GAD2: variants seen among roughly 807,000 people sequenced by gnomAD.
The protein encoded by GAD2 is 65 kDa glutamic acid decarboxylase.
In GAD2, 22 loss-of-function variants were observed where a neutral mutation model predicts 80.1. The ratio of observed to expected loss-of-function variants is 0.27; its 90% CI spans 0.20 to 0.39. GAD2 has a LOEUF of 0.39. Among genes scored for constraint, GAD2 ranks in the 10% least tolerant of loss-of-function variants. The probability of loss-of-function intolerance (pLI) is 1.00; values close to 1 mark genes in which losing one functional copy is unlikely to be tolerated. For synonymous variants in GAD2, 274 were observed against 256.9 expected, an observed-to-expected ratio of 1.07 and a Z score of -0.64; for missense variants, 624 against 738.4, an observed-to-expected ratio of 0.85 and a Z score of 1.80.
chr10:26,224,667 A>G lies in GAD2; in HGVS notation c.724+16A>G, dbSNP rs1054334501. On this transcript the variant is annotated intron_variant, in intron 6 of 15. Coordinates refer to ENST00000376261, the MANE Select transcript of GAD2 (RefSeq NM_001134366.2). ...TTTTCTCCCGGTACATGATATTTCAACTTTCTTTGTGTTTTTTCTTCTAAT... is the reference window on the plus strand; with the variant it reads ...TTTTCTCCCGGTACATGATATTTCAGCTTTCTTTGTGTTTTTTCTTCTAAT... The G allele has an allele frequency of 7.7e-6, 12 of 1,565,692 alleles. No homozygotes were observed. In the East Asian group the frequency reaches 2.5e-4, roughly 32 times the overall value.
chr10:26,285,590 A>T (rs1845322708), intron 12 of GAD2, among the ~76,000 whole-genome samples: 1 of 152,206 alleles, frequency 6.6e-6, no homozygotes, highest in Non-Finnish European at 1.5e-5. Flanking sequence ...ACCCATTTCC[A>T]TAGTAAGGTT....
chr10:26,227,723 T>C (rs1009133622), intron 6 of GAD2, among the ~76,000 whole-genome samples: 1 of 152,188 alleles, frequency 6.6e-6, no homozygotes, highest in African/African-American at 2.4e-5. Flanking sequence ...TCACCAGTTA[T>C]GTTGCCCAAA....
intron 11 of GAD2, among the ~76,000 whole-genome samples, chr10:26,278,786 G>A: frequency 6.6e-6 from 1 of 152,008 alleles, no homozygotes; most frequent in African/African-American, 2.4e-5. Context: ...CAGAGCCAGA[G>A]AAAGACCAGA....
intron 4 of GAD2, among the ~76,000 whole-genome samples, chr10:26,220,928 A>C (rs1236071827): frequency 2.0e-5 from 3 of 152,218 alleles, no homozygotes; most frequent in Admixed American, 6.5e-5. Flanking sequence ...ATTTTGCCAT[A>C]ATGCTTATGA....
intron 15 of GAD2, among the ~76,000 whole-genome samples, chr10:26,298,328 C>T (rs1834296443): frequency 6.6e-6 from 1 of 152,178 alleles, no homozygotes; most frequent in Non-Finnish European, 1.5e-5. Flanking sequence ...TCTTAACTTG[C>T]AATGAGTGAA....
intron 11 of GAD2, among the ~76,000 whole-genome samples, chr10:26,280,242 AC>A (rs1845256828): frequency 1.3e-5 from 2 of 152,122 alleles, no homozygotes; most frequent in South Asian, 4.1e-4. Flanking sequence ...ACTCCAAAAA[AC>A]TGAGACAGGT....
chr10:26,276,934 C>T (rs981048497), intron 11 of GAD2, among the ~76,000 whole-genome samples: 11 of 152,118 alleles, frequency 7.2e-5, no homozygotes, highest in African/African-American at 2.2e-4. Context: ...GGTGCAAAGA[C>T]GAGTATGATA....
At chr10:26,239,586 G>A (rs979109698) in intron 7 of GAD2, among the ~76,000 whole-genome samples, 38 of 152,276 alleles carry the variant, frequency 2.5e-4, no homozygotes, top group Non-Finnish European at 4.6e-4. Context: ...CAAAGTCTTC[G>A]CCCTCATGCA....
At chr10:26,292,713 C>A in intron 14 of GAD2, 141 bp downstream of exon 14, 1 of 860,470 alleles carries the variant, frequency 1.2e-6, no homozygotes, top group Non-Finnish European at 1.9e-6. Flanking sequence ...CTATTCCAAG[C>A]TGGAATAAAG....
At chr10:26,240,966 C>T (rs1294797568) in intron 7 of GAD2, among the ~76,000 whole-genome samples, 2 of 151,760 alleles carry the variant, frequency 1.3e-5, no homozygotes, top group East Asian at 1.9e-4. Flanking sequence ...GGCGTGAATC[C>T]GGGAAGCGGA....
chr10:26,251,936 C>T (rs1844885213), intron 8 of GAD2, among the ~76,000 whole-genome samples: 1 of 152,192 alleles, frequency 6.6e-6, no homozygotes, highest in Non-Finnish European at 1.5e-5. Flanking sequence ...TGTGGACAAT[C>T]ATTTGTAGCC....
chr10:26,265,548 A>G (rs1845062995), intron 8 of GAD2, among the ~76,000 whole-genome samples: 1 of 152,074 alleles, frequency 6.6e-6, no homozygotes, highest in South Asian at 2.1e-4. Context: ...AAGGATCTCA[A>G]TGCAAAACAC....
chr10:26,220,301 AT>A, intron 4 of GAD2, among the ~76,000 whole-genome samples: 1 of 152,374 alleles, frequency 6.6e-6, no homozygotes, highest in Non-Finnish European at 1.5e-5. Context: ...TGACATGAAC[AT>A]TCATCACCAT....
chr10:26,226,677 T>C (rs908295441), intron 6 of GAD2, among the ~76,000 whole-genome samples: 5 of 152,216 alleles, frequency 3.3e-5, no homozygotes, highest in African/African-American at 1.2e-4. Context: ...ATCTGGGATC[T>C]AAAAGTCTCA....
At chr10:26,229,927 G>T in intron 7 of GAD2, 150 bp downstream of exon 7, 1 of 608,472 alleles carries the variant, frequency 1.6e-6, no homozygotes, top group Middle Eastern at 3.3e-4. Context: ...TGGTACTATG[G>T]GGTGTCCTCC....
At chr10:26,266,676 G>T (rs967771851) in intron 8 of GAD2, among the ~76,000 whole-genome samples, 1 of 152,196 alleles carries the variant, frequency 6.6e-6, no homozygotes, top group Non-Finnish European at 1.5e-5. Context: ...TGGAGTTCAT[G>T]GTTTGACAAG....
At chr10:26,228,705 G>T (rs576795197) in intron 6 of GAD2, among the ~76,000 whole-genome samples, 26 of 152,320 alleles carry the variant, frequency 1.7e-4, no homozygotes, top group African/African-American at 6.3e-4. Flanking sequence ...AACTGCGCAT[G>T]CGAGGGATCT....
At chr10:26,239,481 T>G (rs1407765555) in intron 7 of GAD2, among the ~76,000 whole-genome samples, 1 of 152,210 alleles carries the variant, frequency 6.6e-6, no homozygotes, top group African/African-American at 2.4e-5. Context: ...TGTGGCCAGA[T>G]AGTTAAGGCA....
At chr10:26,273,799 AACTC>A (rs1845166614) in intron 11 of GAD2, 99 bp downstream of exon 11, 1 of 948,934 alleles carries the variant, frequency 1.1e-6, no homozygotes, top group Admixed American at 2.0e-5. Context: ...ATACTGAGTG[AACTC>A]ACTCTATTCA....
Sources: gnomAD v4.1 joint callset for allele counts (sites outside exome capture counted in the v4.1 genomes callset) on GRCh38, gnomAD v4.1.1 for gene constraint, MANE v1.5 for transcripts, NCBI Gene and HGNC (gene_info 2026-07-23, HGNC 2026-07-21) for gene names.